The following RIMS2 variants were observed in gnomAD, a reference collection of about 807,000 sequenced individuals.
The protein encoded by RIMS2 is regulating synaptic membrane exocytosis 2, also known as regulating synaptic membrane exocytosis protein 2.
RIMS2 carries 59 observed loss-of-function variants against 174.4 expected under a neutral mutation model. The observed-to-expected ratio is 0.34, with a 90% confidence interval of 0.27 to 0.42. The LOEUF (loss-of-function observed/expected upper bound fraction) is 0.42. Among genes scored for constraint, RIMS2 ranks in the 10% least tolerant of loss-of-function variants. RIMS2 has a pLI of 1.00. For missense variants in RIMS2, 1,620 were observed against 1,666.3 expected (o/e 0.97, Z 0.48); for synonymous variants, 606 against 572.5 (o/e 1.06, Z -0.84).
At chr8:103,520,945 G>A (rs990818107) in intron 1 of RIMS2, among the ~76,000 whole-genome samples, 2 of 151,808 alleles carry the variant, frequency 1.3e-5, no homozygotes, top group East Asian at 3.9e-4. Context: ...TTATCCTTGC[G>A]ATAGTTTGCT....
chr8:103,904,614 AG>A (rs1209987436), intron 4 of RIMS2, among the ~76,000 whole-genome samples: 1 of 152,078 alleles, frequency 6.6e-6, no homozygotes, highest in Non-Finnish European at 1.5e-5. Context: ...ATATTCAACC[AG>A]TCTTGCATTC....
chr8:104,098,737 A>G (rs2097805843), intron 19 of RIMS2, among the ~76,000 whole-genome samples: 1 of 152,140 alleles, frequency 6.6e-6, no homozygotes, highest in African/African-American at 2.4e-5. Flanking sequence ...CTTTAGAAGG[A>G]CAAGCAGAAT....
At chr8:104,093,597 T>C in intron 19 of RIMS2, 1 of 1,597,626 alleles carries the variant, frequency 6.3e-7, no homozygotes, top group South Asian at 1.1e-5. Context: ...CAGCACAAGC[T>C]ACATGTCTGT....
intron 19 of RIMS2, among the ~76,000 whole-genome samples, chr8:104,227,059 A>G (rs1169248889): frequency 6.6e-6 from 1 of 152,178 alleles, no homozygotes; most frequent in South Asian, 2.1e-4. Context: ...ACACATATGA[A>G]AACCAAAACT....
At chr8:104,100,321 T>G (rs2097848049) in intron 19 of RIMS2, among the ~76,000 whole-genome samples, 1 of 152,180 alleles carries the variant, frequency 6.6e-6, no homozygotes. Context: ...GCTGTACTCA[T>G]TTTTTAGCTG....
chr8:103,817,095 A>G (rs893912128), intron 3 of RIMS2, among the ~76,000 whole-genome samples: 1 of 152,214 alleles, frequency 6.6e-6, no homozygotes, highest in African/African-American at 2.4e-5. Context: ...GTTTGTTTAC[A>G]CTTGTAGAAA....
intron 19 of RIMS2, among the ~76,000 whole-genome samples, chr8:104,036,541 T>C (rs1016747263): frequency 4.6e-5 from 7 of 152,034 alleles, no homozygotes; most frequent in Non-Finnish European, 4.4e-5. Context: ...AAAGATAAAG[T>C]CAGGGAAAAA....
At chr8:103,979,895 A>T (rs2093749975) in intron 16 of RIMS2, among the ~76,000 whole-genome samples, 1 of 152,210 alleles carries the variant, frequency 6.6e-6, no homozygotes, top group Admixed American at 6.5e-5. Flanking sequence ...CATTTGGACC[A>T]GATTTAGCCA....
At chr8:103,568,864 C>G in intron 1 of RIMS2, 1 of 1,154,712 alleles carries the variant, frequency 8.7e-7, no homozygotes. Flanking sequence ...TTGTTAATTG[C>G]TGTCTGAATA....
At chr8:104,148,873 A>C in intron 19 of RIMS2, 25 bp downstream of exon 25, 3 of 1,589,622 alleles carry the variant, frequency 1.9e-6, no homozygotes, top group Non-Finnish European at 8.5e-7. Context: ...GTTACTTTTA[A>C]CTTGATATTT....
intron 19 of RIMS2, among the ~76,000 whole-genome samples, chr8:104,144,936 C>T (rs1218910738): frequency 6.6e-6 from 1 of 152,032 alleles, no homozygotes; most frequent in Non-Finnish European, 1.5e-5. Context: ...ATACATATGT[C>T]GTCCAAAGCT....
At chr8:103,740,845 A>G (rs2097755053) in intron 2 of RIMS2, among the ~76,000 whole-genome samples, 2 of 152,090 alleles carry the variant, frequency 1.3e-5, no homozygotes, top group African/African-American at 4.8e-5. Flanking sequence ...ACATGAACAA[A>G]CTTTTTTTAA....
intron 23 of RIMS2, 77 bp from the exon 30 acceptor site, chr8:104,251,525 G>A (rs1263060736): frequency 2.5e-6 from 2 of 806,950 alleles, no homozygotes; most frequent in Non-Finnish European, 4.3e-6. Context: ...ATGTACTTTA[G>A]TATTTTAATA....
At chr8:103,691,077 C>T (rs1415913631) in intron 1 of RIMS2, among the ~76,000 whole-genome samples, 1 of 152,134 alleles carries the variant, frequency 6.6e-6, no homozygotes, top group Non-Finnish European at 1.5e-5. Context: ...GAGCTTCATT[C>T]TGTGTTTTCT....
chr8:103,978,193 A>G lies in RIMS2; in HGVS notation c.2927+2687A>G, dbSNP rs12675855. Among the ~76,000 whole-genome samples the G allele has an allele frequency of 2.6e-5, 4 of 152,366 alleles. No individual in the cohort carries two copies. The East Asian group carries it at 7.7e-4, about 29-fold the overall frequency. On this transcript the variant is annotated intron_variant, in intron 16 of 23. Transcript: ENST00000504942. ...TGTATTTCATATTATACCACACTTTACTTTTATCAGGGAAAGAACATTTGA... is the reference window on the plus strand; with the variant it reads ...TGTATTTCATATTATACCACACTTTGCTTTTATCAGGGAAAGAACATTTGA...
chr8:103,836,760 G>A (rs1250249118), intron 3 of RIMS2, among the ~76,000 whole-genome samples: 1 of 152,184 alleles, frequency 6.6e-6, no homozygotes, highest in African/African-American at 2.4e-5. Context: ...TGCACAAAAT[G>A]TAAATCTGAT....
intron 1 of RIMS2, among the ~76,000 whole-genome samples, chr8:103,609,673 A>G (rs1435753355): frequency 1.3e-5 from 2 of 151,012 alleles, no homozygotes; most frequent in African/African-American, 2.4e-5. Context: ...GGTGTGTGGC[A>G]TTATCTCTGT....
chr8:104,158,436 A>G (rs1293232918), intron 19 of RIMS2, among the ~76,000 whole-genome samples: 1 of 152,084 alleles, frequency 6.6e-6, no homozygotes, highest in Non-Finnish European at 1.5e-5. Context: ...CTGGGTCAAG[A>G]GGTATTTCTA....
At chr8:103,641,908 C>A (rs796599508) in intron 1 of RIMS2, among the ~76,000 whole-genome samples, 2 of 152,024 alleles carry the variant, frequency 1.3e-5, no homozygotes, top group South Asian at 2.1e-4. Context: ...GCCAAATAAA[C>A]GTTTGTTCTT....
Sources: gnomAD v4.1 joint callset for allele counts (sites outside exome capture counted in the v4.1 genomes callset) on GRCh38, gnomAD v4.1.1 for gene constraint, MANE v1.5 for transcripts, NCBI Gene and HGNC (gene_info 2026-07-23, HGNC 2026-07-21) for gene names.